The following OCA2 variants were observed in gnomAD, a reference collection of about 807,000 sequenced individuals.
OCA2 encodes P protein.
Under a neutral mutation model 100.2 loss-of-function variants are expected in OCA2, and 77 were observed. That is an observed-to-expected ratio of 0.77 (90% CI 0.64 to 0.93). The LOEUF (loss-of-function observed/expected upper bound fraction) is 0.93, where lower values mean the gene tolerates loss of function less well. Ranked by LOEUF, OCA2 falls within the 40% of genes least tolerant of loss-of-function variation. The probability of loss-of-function intolerance (pLI) is 0.00; values close to 1 mark genes in which losing one functional copy is unlikely to be tolerated. For synonymous variants in OCA2, 432 were observed against 439.2 expected (o/e 0.98, Z 0.21); for missense variants, 1,062 against 1,089.1 (o/e 0.98, Z 0.35).
the OCA2 span, among the ~76,000 whole-genome samples, chr15:27,738,765 C>G: frequency 6.6e-6 from 1 of 151,470 alleles, no homozygotes; most frequent in Non-Finnish European, 1.5e-5. Flanking sequence ...ACCTACGGAG[C>G]TAAAAATCCG....
chr15:27,858,563 G>T (rs2036024909), intron 21 of OCA2, among the ~76,000 whole-genome samples: 1 of 151,954 alleles, frequency 6.6e-6, no homozygotes, highest in African/African-American at 2.4e-5. Context: ...GTACATTATT[G>T]TCAGACAAAA....
At chr15:27,733,917 T>C in the OCA2 span, among the ~76,000 whole-genome samples, 38 of 151,986 alleles carry the variant, frequency 2.5e-4, no homozygotes, top group South Asian at 7.9e-3. Flanking sequence ...ATCCCAGCAC[T>C]TTGAGAGGCC....
intron 15 of OCA2, among the ~76,000 whole-genome samples, chr15:27,964,597 G>T (rs940202868): frequency 6.6e-6 from 1 of 152,124 alleles, no homozygotes; most frequent in Non-Finnish European, 1.5e-5. Context: ...GGGAGGGGGC[G>T]GGGGGTACAA....
At chr15:27,837,883 G>GAAAAAAAA (rs71414520) in intron 23 of OCA2, among the ~76,000 whole-genome samples, 1 of 87,960 alleles carries the variant, frequency 1.1e-5, no homozygotes. Context: ...CCCCACGACT[G>GAAAAAAAA]AAAAAAAAAA....
chr15:27,851,332 C>T (rs768536728), intron 22 of OCA2, 50 bp downstream of exon 22: 8 of 1,466,996 alleles, frequency 5.5e-6, no homozygotes, highest in Non-Finnish European at 5.7e-6. Flanking sequence ...TTGGGCTGAA[C>T]CACAGTGTGG....
In OCA2 at chr15:27,982,531, G is replaced by A. The variant is rs2041201829; in HGVS notation, c.1503+814C>T. 2.0e-5 allele frequency among the ~76,000 whole-genome samples: 3 copies of A among 152,302 alleles called. No homozygotes were observed. In the South Asian group the frequency reaches 6.2e-4, roughly 32 times the overall value. On this transcript the variant is annotated intron_variant, in intron 14 of 23. Transcript: ENST00000354638. Reference sequence around the variant, plus strand: ...TTTCCCACGGCAGCTAGGGAATGCAGAGCCATACCCAGAACCTCTGGAGCG... The same window carrying A: ...TTTCCCACGGCAGCTAGGGAATGCAAAGCCATACCCAGAACCTCTGGAGCG...
rs1003561442 is a variant in OCA2 at position 27,876,384 on chromosome 15, G to A, written c.2080-4462C>T. On this transcript the variant is annotated intron_variant, in intron 19 of 23. Coordinates refer to ENST00000354638, the MANE Select transcript of OCA2 (RefSeq NM_000275.3). ...ATATCTTGTTTGGATCTATGTGAGT[G>A]GGAGATGGTGATCTGTAATTTTCTT... 3.9e-5 allele frequency among the ~76,000 whole-genome samples: 6 copies of A among 151,960 alleles called. No homozygotes were observed. The South Asian group carries it at 1.2e-3, about 32-fold the overall frequency.
intron 1 of OCA2, among the ~76,000 whole-genome samples, chr15:28,094,068 C>T (rs925319377): frequency 1.3e-5 from 2 of 152,188 alleles, no homozygotes; most frequent in Non-Finnish European, 2.9e-5. Flanking sequence ...CCTAGTCCCA[C>T]CTGGTCATCG....
intron 23 of OCA2, among the ~76,000 whole-genome samples, chr15:27,836,751 A>G (rs2035168425): frequency 6.6e-6 from 1 of 152,368 alleles, no homozygotes; most frequent in African/African-American, 2.4e-5. Context: ...AGTCAATGGT[A>G]ATGATCCCTT....
chr15:28,020,396 C>T (rs1178997123), intron 6 of OCA2, among the ~76,000 whole-genome samples: 1 of 152,144 alleles, frequency 6.6e-6, no homozygotes, highest in Non-Finnish European at 1.5e-5. Flanking sequence ...CCGAAATCTC[C>T]CCCTCCTGCC....
chr15:27,997,120 G>GA (rs1465837536), intron 9 of OCA2, among the ~76,000 whole-genome samples: 1 of 58,050 alleles, frequency 1.7e-5, no homozygotes, highest in East Asian at 3.1e-4. Flanking sequence ...AGAAAGGAAG[G>GA]AAGGAAGGAA....
chr15:27,818,467 C>G (rs886983500), intron 23 of OCA2, among the ~76,000 whole-genome samples: 1 of 152,158 alleles, frequency 6.6e-6, no homozygotes, highest in Non-Finnish European at 1.5e-5. Context: ...GTATAGGAAA[C>G]AGAAGACATA....
intron 2 of OCA2, among the ~76,000 whole-genome samples, chr15:28,048,441 GAATA>G (rs1346246721): frequency 2.0e-5 from 3 of 152,140 alleles, no homozygotes; most frequent in Admixed American, 6.5e-5. Context: ...ATTCAACAGA[GAATA>G]AATAGTCTCT....
intron 18 of OCA2, among the ~76,000 whole-genome samples, chr15:27,929,761 AAT>A (rs998737597): frequency 8.0e-6 from 1 of 125,022 alleles, no homozygotes; most frequent in Non-Finnish European, 1.8e-5. Flanking sequence ...TAATATCTAG[AAT>A]ATATATATAT....
At chr15:27,818,388 C>A (rs145735687) in intron 23 of OCA2, among the ~76,000 whole-genome samples, 1 of 152,154 alleles carries the variant, frequency 6.6e-6, no homozygotes, top group East Asian at 1.9e-4. Context: ...GACTCCATCT[C>A]CAAAAATAAA....
intron 21 of OCA2, among the ~76,000 whole-genome samples, chr15:27,868,607 T>C (rs1375771319): frequency 1.3e-5 from 2 of 152,144 alleles, no homozygotes; most frequent in Admixed American, 1.3e-4. Context: ...GAGTTTCAGT[T>C]ATCCCAGATG....
chr15:27,997,140 AAG>A (rs1202994142), intron 9 of OCA2, among the ~76,000 whole-genome samples: 1 of 35,146 alleles, frequency 2.8e-5, no homozygotes, highest in African/African-American at 4.3e-5. Flanking sequence ...AGAAGGAAGG[AAG>A]AGAGAGAGAA....
intron 23 of OCA2, among the ~76,000 whole-genome samples, chr15:27,778,296 G>A (rs999376936): frequency 2.6e-5 from 4 of 152,114 alleles, no homozygotes; most frequent in African/African-American, 9.7e-5. Context: ...TAGAGTTCTC[G>A]CTAGGCAGCA....
intron 18 of OCA2, among the ~76,000 whole-genome samples, chr15:27,949,685 T>C (rs2039968042): frequency 6.6e-6 from 1 of 152,038 alleles, no homozygotes; most frequent in Admixed American, 6.6e-5. Context: ...AAAAACACTG[T>C]TACATTTAAA....
Sources: allele counts gnomAD v4.1 joint callset (sites outside exome capture counted in the v4.1 genomes callset), GRCh38; gene constraint gnomAD v4.1.1; transcripts MANE v1.5; gene names NCBI Gene and HGNC (gene_info 2026-07-23, HGNC 2026-07-21).